Variants in CCSER1 observed in about 807,000 individuals in gnomAD.
The protein encoded by CCSER1 is coiled-coil serine rich protein 1.
Under a neutral mutation model 82.0 loss-of-function variants are expected in CCSER1, and 41 were observed. The ratio of observed to expected loss-of-function variants is 0.50; its 90% CI spans 0.39 to 0.65. The LOEUF is 0.65. Ranked by LOEUF, CCSER1 falls within the 30% of genes least tolerant of loss-of-function variation. CCSER1 has a pLI of 0.00. For synonymous variants in CCSER1, 414 were observed against 383.9 expected, an observed-to-expected ratio of 1.08 and a Z score of -0.92; for missense variants, 1,119 against 1,064.2, an observed-to-expected ratio of 1.05 and a Z score of -0.72.
chr4:90,387,981 C>T (rs983324653), intron 3 of CCSER1, among the ~76,000 whole-genome samples: 2 of 152,188 alleles, frequency 1.3e-5, no homozygotes, highest in Non-Finnish European at 2.9e-5. Flanking sequence ...AAAGCAAGGA[C>T]AGTTTTGAGG....
chr4:90,408,179 C>A (rs1022360934), intron 4 of CCSER1, among the ~76,000 whole-genome samples: 3 of 152,200 alleles, frequency 2.0e-5, no homozygotes, highest in Non-Finnish European at 4.4e-5. Context: ...AGGAGGCCTG[C>A]CTGCCTCTGT....
chr4:90,776,677 G>A (rs550347138), intron 7 of CCSER1, among the ~76,000 whole-genome samples: 6 of 152,246 alleles, frequency 3.9e-5, no homozygotes, highest in African/African-American at 9.6e-5. Flanking sequence ...GTATTAACAC[G>A]TTAGTGTTCA....
chr4:90,929,758 T>C (rs755015858), intron 9 of CCSER1, among the ~76,000 whole-genome samples: 7 of 152,202 alleles, frequency 4.6e-5, no homozygotes, highest in Non-Finnish European at 1.0e-4. Flanking sequence ...TTGTTGCTGG[T>C]CCAAGGTTAT....
intron 1 of CCSER1, among the ~76,000 whole-genome samples, chr4:90,254,106 T>G (rs1242467299): frequency 6.6e-6 from 1 of 152,222 alleles, no homozygotes; most frequent in Non-Finnish European, 1.5e-5. Context: ...GTTATATTTC[T>G]TGCTTTCATG....
At chr4:91,227,725 C>T (rs934885144) in intron 10 of CCSER1, among the ~76,000 whole-genome samples, 8 of 151,566 alleles carry the variant, frequency 5.3e-5, no homozygotes, top group African/African-American at 1.5e-4. Context: ...TTCATGTCCA[C>T]GTGTACCCAT....
At position 91,088,340 on chromosome 4, in the gene CCSER1, T is replaced by C. The variant is rs577980900; in HGVS notation, c.2217+2346T>C. ...AAGATTTAAGAAGTGTCATTTAAAA[T>C]ATTCTATTTACTTATTGAAGTAATG... On this transcript the variant is annotated intron_variant, in intron 10 of 10. Coordinates refer to ENST00000509176, the MANE Select transcript of CCSER1 (RefSeq NM_001145065.2). 5.9e-5 allele frequency among the ~76,000 whole-genome samples: 9 copies of C among 152,286 alleles called. No homozygotes were observed. The South Asian group carries it at 1.9e-3, about 32-fold the overall frequency.
rs931610077 is a variant in CCSER1, at chr4:90,976,910, A to G, written c.2172+53463A>G. Among the ~76,000 whole-genome samples, 49 of 151,642 alleles carry G rather than the reference A, an allele frequency of 3.2e-4. 1 individual carries two copies. Among genetic ancestry groups the G allele is most frequent in the African/African-American group, 1.2e-3 (48 of 41,412 alleles). ...TTGCCATTTCTTCTCTACTAGCAAA[A>G]TTTCGAACTTCTTTTTAGACAAGCA... On this transcript the variant is annotated intron_variant, in intron 9 of 10. Transcript: ENST00000509176.
rs578069468 is a variant in CCSER1 at position 90,687,911 on chromosome 4, G to A, written c.1933-36003G>A. 5.3e-4 allele frequency among the ~76,000 whole-genome samples: 81 copies of A among 152,218 alleles called. 1 individual carries two copies. In the South Asian group the frequency reaches 0.015, roughly 27 times the overall value. Reference sequence around the variant, plus strand: ...ACAAAAATAATTTTCGGATACCTGCGCGCTGACTCTGATCTAACTCTGTAG... The same window carrying A: ...ACAAAAATAATTTTCGGATACCTGCACGCTGACTCTGATCTAACTCTGTAG... On this transcript the variant is annotated intron_variant, in intron 6 of 10. Transcript: ENST00000509176.
intron 6 of CCSER1, among the ~76,000 whole-genome samples, chr4:90,637,823 A>G (rs1241517168): frequency 6.6e-6 from 1 of 152,146 alleles, no homozygotes; most frequent in Non-Finnish European, 1.5e-5. Context: ...AAGGTAGCAC[A>G]TGTTTTGCAG....
chr4:90,983,822 T>C (rs540707505), intron 9 of CCSER1, among the ~76,000 whole-genome samples: 59 of 151,860 alleles, frequency 3.9e-4, no homozygotes, highest in South Asian at 3.1e-3. Flanking sequence ...CACTATTCTT[T>C]TCCTTTAGTG....
intron 1 of CCSER1, among the ~76,000 whole-genome samples, chr4:90,276,255 C>CTTTCTTTCTTTGTTTCT (rs1560929917): frequency 3.8e-5 from 2 of 52,802 alleles, no homozygotes; most frequent in African/African-American, 1.4e-4. Flanking sequence ...TCTTTCTTTC[C>CTTTCTTTCTTTGTTTCT]TTCCTTCCTT....
chr4:91,356,832 G>A (rs1748868808), intron 10 of CCSER1, among the ~76,000 whole-genome samples: 1 of 152,140 alleles, frequency 6.6e-6, no homozygotes, highest in South Asian at 2.1e-4. Context: ...GGGATGACCT[G>A]CAGGGACTTC....
At chr4:90,767,544 G>A (rs1470887941) in intron 7 of CCSER1, among the ~76,000 whole-genome samples, 1 of 152,076 alleles carries the variant, frequency 6.6e-6, no homozygotes, top group Non-Finnish European at 1.5e-5. Context: ...GAATGTATTT[G>A]TTGGTATCAT....
At chr4:90,764,934 T>G (rs1750972672) in intron 7 of CCSER1, among the ~76,000 whole-genome samples, 3 of 152,194 alleles carry the variant, frequency 2.0e-5, no homozygotes, top group South Asian at 2.1e-4. Flanking sequence ...CTTGAAAAAC[T>G]AATTCAAAAT....
chr4:91,408,931 A>G (rs188406256), intron 10 of CCSER1, among the ~76,000 whole-genome samples: 16 of 152,290 alleles, frequency 1.1e-4, no homozygotes. Context: ...ATGATAATGG[A>G]TACCCTCAGG....
rs572215092 is a variant in CCSER1, at chr4:91,133,374, G to T, written c.2217+47380G>T. On this transcript the variant is annotated intron_variant, in intron 10 of 10. Coordinates refer to ENST00000509176, the MANE Select transcript of CCSER1 (RefSeq NM_001145065.2). The stretch of plus-strand genomic sequence containing the variant: ...TGTGGGACAGAGGAGTCATTCGGGT[G>T]AGGAAGCGGTTCATGAAGTCAGATA... Among the ~76,000 whole-genome samples the T allele has an allele frequency of 2.6e-5, 4 of 152,284 alleles. No individual in the cohort carries two copies. The South Asian group carries it at 8.3e-4, about 32-fold the overall frequency.
chr4:90,802,899 CT>C lies in CCSER1; in HGVS notation c.2011-12852del, dbSNP rs77042698. On this transcript the variant is annotated intron_variant, in intron 7 of 10. Coordinates refer to ENST00000509176, the MANE Select transcript of CCSER1 (RefSeq NM_001145065.2). ...TGGCCATATTCCTTTTTTCTTTCTT[CT>C]TTTTTTTTTTCACTTGTTCATAAAA... Among the ~76,000 whole-genome samples, 136 of 148,760 alleles carry C rather than the reference CT, an allele frequency of 9.1e-4. 2 individuals carry two copies. In the East Asian group the frequency reaches 0.012, roughly 13 times the overall value.
chr4:91,027,371 T>G (rs958542825), intron 9 of CCSER1, among the ~76,000 whole-genome samples: 6 of 151,822 alleles, frequency 4.0e-5, no homozygotes, highest in African/African-American at 1.4e-4. Context: ...ATTGGGTTTT[T>G]TTTTACTTTT....
At chr4:91,330,798 G>A (rs538308239) in intron 10 of CCSER1, among the ~76,000 whole-genome samples, 2 of 152,188 alleles carry the variant, frequency 1.3e-5, no homozygotes, top group Non-Finnish European at 2.9e-5. Flanking sequence ...CTTATCTGAG[G>A]TTTTGCTTTT....
Sources: allele counts gnomAD v4.1 joint callset (sites outside exome capture counted in the v4.1 genomes callset), GRCh38; gene constraint gnomAD v4.1.1; transcripts MANE v1.5; gene names NCBI Gene and HGNC (gene_info 2026-07-23, HGNC 2026-07-21).